Variants in SMG1 observed in about 807,000 individuals in gnomAD.
SMG1 encodes the protein SMG1 nonsense mediated mRNA decay associated PI3K related kinase.
A neutral mutation model predicts 419.9 loss-of-function variants in SMG1; 22 were observed. The ratio of observed to expected loss-of-function variants is 0.05; its 90% confidence interval spans 0.04 to 0.07. SMG1 has a LOEUF of 0.07. SMG1 is among the 10% of genes least tolerant of loss of function. SMG1 has a pLI of 1.00. For synonymous variants in SMG1, 1,538 were observed against 1,553.5 expected, an observed-to-expected ratio of 0.99 and a Z score of 0.23; for missense variants, 3,185 against 4,342.0, an observed-to-expected ratio of 0.73 and a Z score of 7.49.
At position 18,870,854 on chromosome 16, in the gene SMG1, T is replaced by C. The variant is rs868549286; in HGVS notation, c.2337A>G (p.Ala779=). ...AGGACAGAGCATGTAGACTGCTGCA[T>C]GCCTGCAGACAGATATTCACATCTT... is the stretch of plus-strand genomic sequence containing the variant. ...LVEDVNICLQ[A]CSSLHALSSS... Residue 779 remains alanine (A), a synonymous_variant, in exon 17 of 63, where the codon GCA becomes GCG. Coordinates refer to ENST00000446231, the MANE Select transcript of SMG1 (RefSeq NM_015092.5). 10 of 1,584,796 alleles carry C rather than the reference T, an allele frequency of 6.3e-6. No individual in the cohort carries two copies. The highest frequency in any genetic ancestry group is 1.3e-5 in the African/African-American group (1 of 74,530).
chr16:18,924,476 TC>T (rs1349500217), intron 1 of SMG1, among the ~76,000 whole-genome samples: 9 of 152,214 alleles, frequency 5.9e-5, no homozygotes, highest in African/African-American at 2.2e-4. Context: ...TAATAGAAAA[TC>T]CATTGTCATT....
chr16:18,876,307 C>A lies in SMG1; in HGVS notation c.1707G>T (p.Leu569Phe). The A allele has an allele frequency of 6.2e-7, 1 of 1,611,712 alleles. No individual in the cohort carries two copies. Among genetic ancestry groups the A allele is most frequent in the Non-Finnish European group, 8.5e-7 (1 of 1,179,678 alleles). Residue 569 changes from leucine to phenylalanine, a missense_variant, in exon 13 of 63, where the codon TTG becomes TTT. Around this residue, in one of 27 missense-constraint regions of SMG1, gnomAD observed 297 missense variants for 491.0 expected, o/e 0.60. Coordinates refer to ENST00000446231, the MANE Select transcript of SMG1 (RefSeq NM_015092.5). ...TGTTTAGGGCACAAGTCATTTCTCCCAATATTAACTTATAGGCAGTCTCCA... is the reference window on the plus strand; with the variant it reads ...TGTTTAGGGCACAAGTCATTTCTCCAAATATTAACTTATAGGCAGTCTCCA... ...PVLETAYKLI[L>F]GEMTCALNNL...
In SMG1 at chr16:18,838,056, C is replaced by A. The variant is rs1453544870; in HGVS notation, c.7371G>T (p.Glu2457Asp). 6.2e-7 allele frequency: 1 copy of A among 1,613,996 alleles called. No homozygotes were observed. Among genetic ancestry groups the A allele is most frequent in the Non-Finnish European group, 8.5e-7 (1 of 1,179,898 alleles). The change falls in exon 45 of 63, where the codon GAG (glutamate) becomes GAT (aspartate). Residue 2457 changes from glutamate (E) to aspartate (D), a missense_variant. Coordinates refer to ENST00000446231, the MANE Select transcript of SMG1 (RefSeq NM_015092.5). Reference sequence around the variant, plus strand: ...TAGAAGAAAACAGGCTGCGGGTGATCTCTCGCTCCATCTCTCTCTTGCTCT... The same window carrying A: ...TAGAAGAAAACAGGCTGCGGGTGATATCTCGCTCCATCTCTCTCTTGCTCT... ...SKQSKREMER[E>D]ITRSLFSSRV...
At chr16:18,876,007 T>C (rs2036111388) in intron 13 of SMG1, 117 bp downstream of exon 13, 7 of 1,081,800 alleles carry the variant, frequency 6.5e-6, no homozygotes, top group Non-Finnish European at 5.5e-6. Context: ...TAAATATGGC[T>C]GTTTGTTACA....
At chr16:18,875,447 C>G (rs910965764) in intron 13 of SMG1, 6 of 152,268 alleles carry the variant, frequency 3.9e-5, no homozygotes, top group African/African-American at 1.4e-4. Flanking sequence ...AAAAATTAGC[C>G]AGGCATGGTG....
chr16:18,839,960 A>T lies in SMG1; in HGVS notation c.6697-14T>A. ...GGAATCTTGGGCCTTAAGAAAAAAC[A>T]ATTTTTTTAAAAAAGAAAAGATCAA... On this transcript the variant is annotated splice_polypyrimidine_tract_variant and intron_variant, in intron 41 of 62. Coordinates refer to ENST00000446231, the MANE Select transcript of SMG1 (RefSeq NM_015092.5). 6.6e-7 allele frequency: 1 copy of T among 1,516,498 alleles called. No homozygotes were observed. Among genetic ancestry groups the T allele is most frequent in the Non-Finnish European group, 8.8e-7 (1 of 1,130,016 alleles). 93.9% of individuals were successfully genotyped at this position (1,516,498 alleles called of 1,614,324 possible). A position where few individuals can be genotyped will look rare whatever the true frequency, so the allele number is the denominator to read the frequency against.
At chr16:18,909,029 A>T (rs1278511093) in intron 1 of SMG1, among the ~76,000 whole-genome samples, 1 of 151,752 alleles carries the variant, frequency 6.6e-6, no homozygotes, top group Non-Finnish European at 1.5e-5. Flanking sequence ...TAACAATTAC[A>T]TATGTTAAAT....
At chr16:18,918,724 T>C (rs2038073609) in intron 1 of SMG1, among the ~76,000 whole-genome samples, 1 of 152,142 alleles carries the variant, frequency 6.6e-6, no homozygotes, top group South Asian at 2.1e-4. Context: ...AATTTTTGTA[T>C]TTTTAGTAGA....
In SMG1 at chr16:18,863,802, CTCAGGGGAAGAG is replaced by C. The variant is rs1170283817; in HGVS notation, c.3531_3542del (p.Asp1177_Pro1180del). 6.3e-7 allele frequency: 1 copy of C among 1,589,978 alleles called. No homozygotes were observed. Among genetic ancestry groups the C allele is most frequent in the Non-Finnish European group, 8.6e-7 (1 of 1,164,256 alleles). ...CTTTATTTCCTAAATAATTTATAAC[CTCAGGGGAAGAG>C]TCAGTCGGTTTGGACAGCACAGTTT... On this transcript the variant is annotated inframe_deletion, in exon 25 of 63. Coordinates refer to ENST00000446231, the MANE Select transcript of SMG1 (RefSeq NM_015092.5).
intron 1 of SMG1, among the ~76,000 whole-genome samples, chr16:18,915,707 G>C (rs1202471287): frequency 6.6e-6 from 1 of 152,094 alleles, no homozygotes; most frequent in African/African-American, 2.4e-5. Flanking sequence ...AAAAGTCACT[G>C]CATATCTGTA....
intron 26 of SMG1, 87 bp from the exon 27 acceptor site, chr16:18,859,790 C>A: frequency 3.5e-6 from 3 of 852,824 alleles, no homozygotes; most frequent in Non-Finnish European, 5.5e-6. Flanking sequence ...AAACTAATCA[C>A]CAATGAACAG....
At chr16:18,878,766 G>A (rs535708442) in intron 11 of SMG1, 1 of 152,696 alleles carries the variant, frequency 6.5e-6, no homozygotes, top group South Asian at 2.1e-4. Flanking sequence ...CCAGTACTTT[G>A]GGAGGCCAAG....
intron 37 of SMG1, 96 bp downstream of exon 37, chr16:18,847,720 G>A: frequency 1.3e-6 from 2 of 1,565,962 alleles, no homozygotes; most frequent in Non-Finnish European, 1.7e-6. Context: ...TTATACAATT[G>A]GAGAACCCTG....
At position 18,874,912 on chromosome 16, in the gene SMG1, T is replaced by G. The variant is rs1252265711; in HGVS notation, c.1890+1212A>C. On this transcript the variant is annotated intron_variant, in intron 13 of 62. Coordinates refer to ENST00000446231, the MANE Select transcript of SMG1 (RefSeq NM_015092.5). ...AAAAAAAAAAAAAAGCCTTTTTTTT[T>G]TTTTTTTCCCCTAAAAGAAGGACTA... Among the ~76,000 whole-genome samples, 1,280 of 142,206 alleles carry G rather than the reference T, an allele frequency of 9.0e-3. 33 individuals are homozygous for G. The highest frequency in any genetic ancestry group is 0.054 in the Middle Eastern group (15 of 280). The allele number at this position is 142,206 out of a possible 152,430, so 93.3% of individuals were successfully genotyped here. A position where few individuals can be genotyped will look rare whatever the true frequency, so the allele number is the denominator to read the frequency against.
chr16:18,819,477 A>G, intron 56 of SMG1, 25 bp downstream of exon 56: 1 of 1,604,798 alleles, frequency 6.2e-7, no homozygotes, highest in Non-Finnish European at 8.5e-7. Flanking sequence ...GTGAATACAA[A>G]GATGGTGCAT....
intron 13 of SMG1, chr16:18,875,822 A>G: frequency 2.2e-6 from 1 of 447,910 alleles, no homozygotes; most frequent in Middle Eastern, 6.0e-4. Context: ...TGTAAGAAAC[A>G]CTGACATTTT....
At chr16:18,921,032 G>T (rs1290802964) in intron 1 of SMG1, among the ~76,000 whole-genome samples, 1 of 151,940 alleles carries the variant, frequency 6.6e-6, no homozygotes, top group Non-Finnish European at 1.5e-5. Flanking sequence ...CAGCTACTTG[G>T]GAGGCTGAGA....
chr16:18,849,104 A>AC lies in SMG1; in HGVS notation c.5623+112_5623+113insG, dbSNP rs758625266. ...AAAAAAAAAAAAAAAAAAAAAAAAA[A>AC]AACCCTACAAACTCTAACAACTCTG... On this transcript the variant is annotated intron_variant, in intron 36 of 62. Coordinates refer to ENST00000446231, the MANE Select transcript of SMG1 (RefSeq NM_015092.5). 447 of 262,600 alleles carry AC rather than the reference A, an allele frequency of 1.7e-3. 58 individuals are homozygous for AC. Among genetic ancestry groups the AC allele is most frequent in the Admixed American group, 2.3e-3 (33 of 14,306 alleles). 16.3% of individuals were successfully genotyped at this position (262,600 alleles called of 1,614,324 possible).
intron 23 of SMG1, 60 bp downstream of exon 23, chr16:18,866,561 T>A (rs1264276742): frequency 2.1e-5 from 31 of 1,469,932 alleles, no homozygotes; most frequent in Non-Finnish European, 2.9e-5. Context: ...TGTCAGTGAG[T>A]AATACACAGA....
Sources: gnomAD v4.1 joint callset for allele counts (sites outside exome capture counted in the v4.1 genomes callset) on GRCh38, gnomAD v4.1.1 for gene constraint, gnomAD v4.1.1 regional missense constraint, MANE v1.5 for transcripts, NCBI Gene and HGNC (gene_info 2026-07-23, HGNC 2026-07-21) for gene names.